Variants in ZBTB20 observed in about 807,000 individuals in gnomAD.
ZBTB20 encodes the protein zinc finger and BTB domain containing 20.
ZBTB20 carries 9 observed loss-of-function variants against 56.9 expected under a neutral mutation model. The observed-to-expected ratio is 0.16, with a 90% CI of 0.10 to 0.28. The LOEUF (loss-of-function observed/expected upper bound fraction) is 0.28, where lower values mean the gene tolerates loss of function less well. ZBTB20 is among the 10% of genes least tolerant of loss of function. The pLI is 1.00. For synonymous variants in ZBTB20, 417 were observed against 420.7 expected, an observed-to-expected ratio of 0.99 and a Z score of 0.11; for missense variants, 655 against 1,003.0, an observed-to-expected ratio of 0.65 and a Z score of 4.69.
intron 5 of ZBTB20, among the ~76,000 whole-genome samples, chr3:114,798,114 C>A (rs749061942): frequency 1.3e-5 from 2 of 151,730 alleles, no homozygotes; most frequent in Non-Finnish European, 2.9e-5. Context: ...CATTCTGACA[C>A]CATGCGTCGT....
chr3:114,598,980 C>T (rs1019607268), intron 6 of ZBTB20, among the ~76,000 whole-genome samples: 1 of 151,978 alleles, frequency 6.6e-6, no homozygotes, highest in Non-Finnish European at 1.5e-5. Context: ...GGGGGGGGAC[C>T]CAAAACAGCT....
At chr3:114,447,747 C>T (rs1402368342) in intron 7 of ZBTB20, among the ~76,000 whole-genome samples, 1 of 152,126 alleles carries the variant, frequency 6.6e-6, no homozygotes. Flanking sequence ...TCAGTTAGAT[C>T]ATAGTGTGTA....
chr3:114,769,904 C>CA (rs1227421606), intron 5 of ZBTB20, among the ~76,000 whole-genome samples: 1 of 150,506 alleles, frequency 6.6e-6, no homozygotes, highest in African/African-American at 2.4e-5. Flanking sequence ...AATAAAAATA[C>CA]AAAAATTAGC....
Position 114,329,640 on chromosome 3 carries a change from T to G in ZBTB20, c.*9365A>C, listed in dbSNP as rs983780792. 6.7e-6 allele frequency: 1 copy of G among 149,546 alleles called. No individual in the cohort carries two copies. Among genetic ancestry groups the G allele is most frequent in the African/African-American group, 2.5e-5 (1 of 40,456 alleles). The allele number at this position is 149,546 out of a possible 1,614,324, so 9.3% of individuals were successfully genotyped here. A position where few individuals can be genotyped will look rare whatever the true frequency, so the allele number is the denominator to read the frequency against. On this transcript the variant is annotated 3_prime_UTR_variant, in exon 12 of 12. Transcript: ENST00000675478. ...GATTTAAAAATGTCTCAGATAGATA[T>G]TTCCAAATTCTATTTCTATTAGCCT...
intron 7 of ZBTB20, among the ~76,000 whole-genome samples, chr3:114,407,570 G>C (rs947186258): frequency 4.6e-5 from 7 of 152,088 alleles, no homozygotes; most frequent in African/African-American, 1.7e-4. Context: ...AGAGAGTCTT[G>C]GTAACTGACT....
At chr3:114,883,477 T>C (rs2076473717) in intron 4 of ZBTB20, among the ~76,000 whole-genome samples, 1 of 152,218 alleles carries the variant, frequency 6.6e-6, no homozygotes, top group Admixed American at 6.5e-5. Context: ...CTAACCTTGA[T>C]TAATGCTCTC....
chr3:114,435,216 TG>T (rs1184443125), intron 7 of ZBTB20, among the ~76,000 whole-genome samples: 1 of 152,004 alleles, frequency 6.6e-6, no homozygotes, highest in East Asian at 1.9e-4. Flanking sequence ...TGCATTTTAT[TG>T]GAAAATAATT....
intron 6 of ZBTB20, among the ~76,000 whole-genome samples, chr3:114,685,365 C>A (rs190503772): frequency 2.0e-4 from 30 of 152,256 alleles, no homozygotes; most frequent in Admixed American, 1.3e-3. Context: ...CATGAGCTGA[C>A]AAGGACTTGC....
Position 114,403,772 on chromosome 3 carries a change from T to C in ZBTB20, c.-254-14667A>G, listed in dbSNP as rs565160417. Among the ~76,000 whole-genome samples the C allele has an allele frequency of 1.6e-4, 24 of 152,052 alleles. 1 individual carries two copies. Among genetic ancestry groups the C allele is most frequent in the African/African-American group, 5.3e-4 (22 of 41,506 alleles). The stretch of plus-strand genomic sequence containing the variant: ...ATCCAGATATACAAAACAACATTGG[T>C]GGGATAAGTCAAATAATTCTCTAAA... On this transcript the variant is annotated intron_variant, in intron 7 of 11. Coordinates refer to ENST00000675478, the MANE Select transcript of ZBTB20 (RefSeq NM_001348800.3).
intron 5 of ZBTB20, among the ~76,000 whole-genome samples, chr3:114,706,153 C>G (rs564099078): frequency 6.6e-6 from 1 of 152,166 alleles, no homozygotes; most frequent in African/African-American, 2.4e-5. Flanking sequence ...AACAATAAAG[C>G]TGTAGGCACA....
chr3:114,584,526 T>TAAAAA (rs540747173), intron 6 of ZBTB20, among the ~76,000 whole-genome samples: 2 of 142,264 alleles, frequency 1.4e-5, no homozygotes, highest in South Asian at 4.5e-4. Flanking sequence ...CTAACTCTGT[T>TAAAAA]AAAAAAAAAA....
At chr3:114,637,117 T>C (rs1023286974) in intron 6 of ZBTB20, among the ~76,000 whole-genome samples, 1 of 152,096 alleles carries the variant, frequency 6.6e-6, no homozygotes, top group African/African-American at 2.4e-5. Flanking sequence ...AACAAGAAAG[T>C]GATTAATTCA....
intron 10 of ZBTB20, among the ~76,000 whole-genome samples, chr3:114,371,266 A>G (rs971176400): frequency 2.0e-5 from 3 of 152,152 alleles, no homozygotes; most frequent in Non-Finnish European, 4.4e-5. Flanking sequence ...AATATACTTT[A>G]CAAACTTTCT....
intron 6 of ZBTB20, among the ~76,000 whole-genome samples, chr3:114,670,480 A>AGAACTACCT (rs1217168591): frequency 2.0e-5 from 3 of 152,054 alleles, no homozygotes. Flanking sequence ...TTTCTACCTT[A>AGAACTACCT]AGGGAAGTTC....
intron 6 of ZBTB20, among the ~76,000 whole-genome samples, chr3:114,550,924 T>C (rs1298550128): frequency 1.3e-5 from 2 of 152,200 alleles, no homozygotes; most frequent in African/African-American, 4.8e-5. Flanking sequence ...CTAATTTTTG[T>C]ATTTTTAGCA....
intron 5 of ZBTB20, among the ~76,000 whole-genome samples, chr3:114,757,869 T>A (rs896323537): frequency 6.6e-6 from 1 of 152,116 alleles, no homozygotes; most frequent in Non-Finnish European, 1.5e-5. Context: ...TCTGATTAAT[T>A]TCTGTGTGAT....
intron 3 of ZBTB20, among the ~76,000 whole-genome samples, chr3:114,937,375 C>T (rs1442939452): frequency 2.0e-5 from 3 of 151,694 alleles, no homozygotes; most frequent in East Asian, 1.9e-4. Flanking sequence ...CCAGTGATGA[C>T]GAGCTTTTTT....
At position 114,332,510 on chromosome 3, in the gene ZBTB20, A is replaced by C. The variant is rs1347657081; in HGVS notation, c.*6495T>G. The C allele has an allele frequency of 6.6e-6, 1 of 152,230 alleles. No homozygotes were observed. Among genetic ancestry groups the C allele is most frequent in the East Asian group, 1.9e-4 (1 of 5,204 alleles). The allele number at this position is 152,230 out of a possible 1,614,324, so 9.4% of individuals were successfully genotyped here. On this transcript the variant is annotated 3_prime_UTR_variant, in exon 12 of 12. Transcript: ENST00000675478. ...CCAACCTACGTCACTGAAATAGAAT[A>C]GGAAATAGCAGCCACTATCTGAGAG...
At chr3:115,116,706 A>G (rs2084029699) in intron 1 of ZBTB20, among the ~76,000 whole-genome samples, 1 of 152,006 alleles carries the variant, frequency 6.6e-6, no homozygotes, top group African/African-American at 2.4e-5. Flanking sequence ...GAAAGAGAGA[A>G]AGAGAAAGAA....
Sources: gnomAD v4.1 joint callset for allele counts (sites outside exome capture counted in the v4.1 genomes callset) on GRCh38, gnomAD v4.1.1 for gene constraint, MANE v1.5 for transcripts, NCBI Gene and HGNC (gene_info 2026-07-23, HGNC 2026-07-21) for gene names.